The following DPH6 variants were observed in gnomAD, a reference collection of about 807,000 sequenced individuals.
DPH6 encodes diphthine--ammonia ligase.
DPH6 carries 33 observed loss-of-function variants against 38.2 expected under a neutral mutation model. The observed-to-expected ratio is 0.86, with a 90% CI of 0.65 to 1.15. DPH6 has a LOEUF of 1.15. DPH6 is among the 50% of genes most tolerant of loss of function. The pLI is 0.00. For synonymous variants in DPH6, 108 were observed against 103.0 expected (o/e 1.05, Z -0.30); for missense variants, 325 against 320.0 (o/e 1.02, Z -0.12).
intron 1 of DPH6, 123 bp downstream of exon 1, chr15:35,545,996 A>G (rs920048132): frequency 1.4e-5 from 13 of 906,214 alleles, no homozygotes; most frequent in Middle Eastern, 2.4e-4. Flanking sequence ...TGTGGCTCGG[A>G]GGAGCCGCGG....
intron 3 of DPH6, among the ~76,000 whole-genome samples, chr15:35,269,158 G>T (rs1056535894): frequency 6.6e-6 from 1 of 152,148 alleles, no homozygotes; most frequent in African/African-American, 2.4e-5. Context: ...TCATATGTTG[G>T]AAGACTATTA....
chr15:35,331,398 C>G (rs1249335337), intron 3 of DPH6, among the ~76,000 whole-genome samples: 1 of 151,472 alleles, frequency 6.6e-6, no homozygotes, highest in Non-Finnish European at 1.5e-5. Flanking sequence ...CTATCATCTT[C>G]CCGAAACAGA....
At chr15:35,544,565 C>T (rs892745210) in intron 1 of DPH6, among the ~76,000 whole-genome samples, 15 of 152,048 alleles carry the variant, frequency 9.9e-5, no homozygotes, top group African/African-American at 3.4e-4. Context: ...CCCAGTTTCA[C>T]TTATTCACTT....
chr15:35,334,277 G>A (rs1037467740), intron 3 of DPH6, among the ~76,000 whole-genome samples: 11 of 152,082 alleles, frequency 7.2e-5, no homozygotes, highest in East Asian at 3.9e-4. Context: ...TTCTAATTAA[G>A]TTCGGTTTAA....
chr15:35,237,674 A>C lies in DPH6; in HGVS notation n.201-17092T>G, dbSNP rs1303109716. ...ACTGAAAAACTTAGAAAACCTCAAG[A>C]GCTTAGACCTTTTCAATTGCGAGGT... On this transcript the variant is annotated intron_variant and non_coding_transcript_variant, in intron 3 of 3. Coordinates refer to the DPH6 transcript ENST00000560386. 1.2e-5 allele frequency: 19 copies of C among 1,613,828 alleles called. No homozygotes were observed. In the Admixed American group the frequency reaches 2.8e-4, roughly 24 times the overall value.
At chr15:35,431,182 G>C (rs946659408) in intron 5 of DPH6, among the ~76,000 whole-genome samples, 1 of 152,034 alleles carries the variant, frequency 6.6e-6, no homozygotes, top group African/African-American at 2.4e-5. Flanking sequence ...TATGAAAAAA[G>C]CTTAACCAAT....
chr15:35,328,855 G>A (rs868135929), downstream of DPH6, among the ~76,000 whole-genome samples: 1 of 152,258 alleles, frequency 6.6e-6, no homozygotes, highest in African/African-American at 2.4e-5. Context: ...CACGTGGCTG[G>A]GGAAGCCTCA....
At chr15:35,175,615 G>A in the DPH6 span, among the ~76,000 whole-genome samples, 1 of 130,534 alleles carries the variant, frequency 7.7e-6, no homozygotes, top group Non-Finnish European at 1.6e-5. Context: ...TAGGTAAGCT[G>A]GGGCTGTTAT....
the DPH6 span, among the ~76,000 whole-genome samples, chr15:35,152,783 G>C: frequency 6.6e-6 from 1 of 152,224 alleles, no homozygotes; most frequent in Non-Finnish European, 1.5e-5. Flanking sequence ...ACAGGTGTGA[G>C]CCACTCAGCC....
chr15:35,473,577 A>G (rs2054223261), intron 3 of DPH6, among the ~76,000 whole-genome samples: 1 of 152,128 alleles, frequency 6.6e-6, no homozygotes, highest in Non-Finnish European at 1.5e-5. Flanking sequence ...AGGTATATAT[A>G]TTGGTACGCA....
intron 3 of DPH6, among the ~76,000 whole-genome samples, chr15:35,502,809 T>C (rs1329990716): frequency 6.6e-6 from 1 of 151,020 alleles, no homozygotes; most frequent in Non-Finnish European, 1.5e-5. Context: ...GGAACCTAGA[T>C]GCTTACTTCT....
At chr15:35,390,369 C>G (rs1178892587) in intron 6 of DPH6, among the ~76,000 whole-genome samples, 1 of 152,090 alleles carries the variant, frequency 6.6e-6, no homozygotes, top group Admixed American at 6.6e-5. Context: ...TCTGTATTTC[C>G]TTAATTTGAA....
At chr15:35,208,620 G>C in the DPH6 span, among the ~76,000 whole-genome samples, 1 of 152,204 alleles carries the variant, frequency 6.6e-6, no homozygotes, top group Non-Finnish European at 1.5e-5. Context: ...AAATGTGAAA[G>C]CACATAATTT....
intron 3 of DPH6, among the ~76,000 whole-genome samples, chr15:35,352,535 G>T (rs1216900014): frequency 6.6e-6 from 1 of 152,044 alleles, no homozygotes; most frequent in Non-Finnish European, 1.5e-5. Flanking sequence ...GTGATATTTG[G>T]TTTTTTGTCC....
At chr15:35,257,472 A>G (rs535600912) in intron 3 of DPH6, among the ~76,000 whole-genome samples, 91 of 152,330 alleles carry the variant, frequency 6.0e-4, no homozygotes, top group African/African-American at 2.2e-3. Flanking sequence ...CTAATCAAAA[A>G]GTATAAAAAT....
At chr15:35,400,269 T>C (rs568711645) in intron 6 of DPH6, among the ~76,000 whole-genome samples, 1 of 152,354 alleles carries the variant, frequency 6.6e-6, no homozygotes, top group East Asian at 1.9e-4. Flanking sequence ...CAGAGTTTAT[T>C]ACCTGACTTA....
the DPH6 span, among the ~76,000 whole-genome samples, chr15:35,157,357 T>C: frequency 3.5e-4 from 53 of 152,282 alleles, no homozygotes; most frequent in African/African-American, 1.2e-3. Flanking sequence ...GTAACACAGT[T>C]ATCTCTAATG....
intron 3 of DPH6, among the ~76,000 whole-genome samples, chr15:35,272,987 C>T (rs1176550940): frequency 6.6e-6 from 1 of 151,898 alleles, no homozygotes; most frequent in Non-Finnish European, 1.5e-5. Context: ...TATACCAGCC[C>T]CCCTTTGCCT....
chr15:35,487,839 G>A (rs1235825791), intron 3 of DPH6, among the ~76,000 whole-genome samples: 3 of 152,044 alleles, frequency 2.0e-5, no homozygotes, highest in Non-Finnish European at 4.4e-5. Flanking sequence ...TTTACACTCC[G>A]CTTCCCTTTT....
Sources: gnomAD v4.1 joint callset for allele counts (sites outside exome capture counted in the v4.1 genomes callset) on GRCh38, gnomAD v4.1.1 for gene constraint, MANE v1.5 for transcripts, NCBI Gene and HGNC (gene_info 2026-07-23, HGNC 2026-07-21) for gene names.